KLHL20: variants seen among roughly 807,000 people sequenced by gnomAD.
The protein encoded by KLHL20 is kelch-like protein 20.
In KLHL20, 29 loss-of-function variants were observed where a neutral mutation model predicts 69.5. The ratio of observed to expected loss-of-function variants is 0.42; its 90% CI spans 0.31 to 0.57. The LOEUF (loss-of-function observed/expected upper bound fraction) is 0.57, where lower values mean the gene tolerates loss of function less well. Among genes scored for constraint, KLHL20 ranks in the 20% least tolerant of loss-of-function variants. The pLI, the probability that KLHL20 is intolerant of heterozygous loss-of-function variation, is 0.18. For synonymous variants in KLHL20, 253 were observed against 265.2 expected (o/e 0.95, Z 0.45); for missense variants, 419 against 776.0 (o/e 0.54, Z 5.47).
At position 173,774,288 on chromosome 1, in the gene KLHL20, G is replaced by C; in HGVS notation, c.1296-17G>C. 1 of 1,614,072 alleles carries C rather than the reference G, an allele frequency of 6.2e-7. No homozygotes were observed. On this transcript the variant is annotated splice_polypyrimidine_tract_variant and intron_variant, in intron 8 of 11. Transcript: ENST00000209884. ...CTTAATAAGAACAAGCATACAGTCT[G>C]GTTTCCCTCACTGCAGGTATGATCC...
intron 6 of KLHL20, 34 bp downstream of exon 6, chr1:173,756,072 T>C: frequency 7.0e-7 from 1 of 1,435,762 alleles, no homozygotes; most frequent in Middle Eastern, 1.8e-4. Flanking sequence ...GTAAATTGAG[T>C]ATTTTCCCAG....
intron 2 of KLHL20, among the ~76,000 whole-genome samples, chr1:173,727,507 C>T (rs891041173): frequency 1.3e-5 from 2 of 152,182 alleles, no homozygotes; most frequent in Admixed American, 1.3e-4. Context: ...AGAGAAAGGT[C>T]AGGTAACCCA....
chr1:173,741,607 C>A, intron 3 of KLHL20: 1 of 445,368 alleles, frequency 2.2e-6, no homozygotes, highest in South Asian at 9.1e-5. Context: ...AGACAAAAGT[C>A]AAAGCCAAGC....
At chr1:173,724,555 ATATCT>A (rs1331216137) in intron 2 of KLHL20, among the ~76,000 whole-genome samples, 1 of 152,218 alleles carries the variant, frequency 6.6e-6, no homozygotes, top group African/African-American at 2.4e-5. Context: ...AAAAATCCAA[ATATCT>A]TATTTCTAAT....
chr1:173,775,575 A>T, intron 9 of KLHL20, 59 bp from the exon 10 acceptor site: 1 of 1,417,830 alleles, frequency 7.1e-7, no homozygotes, highest in Non-Finnish European at 9.9e-7. Flanking sequence ...CTATAAAGAA[A>T]ACTGGAGGTG....
At chr1:173,729,873 A>G (rs529782175) in intron 2 of KLHL20, among the ~76,000 whole-genome samples, 3 of 152,300 alleles carry the variant, frequency 2.0e-5, no homozygotes, top group African/African-American at 7.2e-5. Context: ...GGCCAAGACA[A>G]TCAGGCAGGA....
At chr1:173,763,979 A>G (rs73035143) in intron 7 of KLHL20, among the ~76,000 whole-genome samples, 130 of 152,290 alleles carry the variant, frequency 8.5e-4, no homozygotes, top group African/African-American at 3.0e-3. Flanking sequence ...AAATCTTCAC[A>G]ATCTACATCT....
chr1:173,749,684 T>G (rs936771277), intron 3 of KLHL20, among the ~76,000 whole-genome samples: 1 of 152,220 alleles, frequency 6.6e-6, no homozygotes, highest in African/African-American at 2.4e-5. Flanking sequence ...TTAAATGAGT[T>G]AACACCTTAG....
At chr1:173,784,198 G>C (rs977847039) in intron 11 of KLHL20, among the ~76,000 whole-genome samples, 2 of 152,200 alleles carry the variant, frequency 1.3e-5, no homozygotes. Context: ...CAAAGCAGGG[G>C]AGGGGGCTAG....
chr1:173,780,305 C>G (rs563207566), intron 10 of KLHL20, among the ~76,000 whole-genome samples: 1 of 152,288 alleles, frequency 6.6e-6, no homozygotes, highest in East Asian at 1.9e-4. Context: ...GAAATGTTTA[C>G]AGCTAACTAT....
At chr1:173,718,506 A>G (rs1199104083) in intron 2 of KLHL20, among the ~76,000 whole-genome samples, 1 of 151,422 alleles carries the variant, frequency 6.6e-6, no homozygotes, top group Non-Finnish European at 1.5e-5. Flanking sequence ...TGATCATACC[A>G]TTGAACCCCA....
chr1:173,729,429 ATTTTAGAC>A, intron 2 of KLHL20, among the ~76,000 whole-genome samples: 1 of 152,218 alleles, frequency 6.6e-6, no homozygotes, highest in Non-Finnish European at 1.5e-5. Flanking sequence ...AAAAAAGAGA[ATTTTAGAC>A]CAATATCCCT....
At chr1:173,759,624 G>T (rs1466689451) in intron 7 of KLHL20, among the ~76,000 whole-genome samples, 3 of 152,122 alleles carry the variant, frequency 2.0e-5, no homozygotes, top group African/African-American at 7.2e-5. Context: ...AAGAGAGACA[G>T]CAATCACTGC....
chr1:173,750,381 C>T (rs953549436), intron 3 of KLHL20, among the ~76,000 whole-genome samples: 1 of 152,068 alleles, frequency 6.6e-6, no homozygotes, highest in Admixed American at 6.5e-5. Context: ...ACACCTACGG[C>T]GTACTGCAGC....
chr1:173,732,276 A>G (rs928611968), intron 2 of KLHL20, among the ~76,000 whole-genome samples: 4 of 152,184 alleles, frequency 2.6e-5, no homozygotes, highest in African/African-American at 9.6e-5. Context: ...TAGGAGTTCA[A>G]GACCAGCGTG....
chr1:173,728,821 G>A (rs533624950), intron 2 of KLHL20, among the ~76,000 whole-genome samples: 1 of 152,236 alleles, frequency 6.6e-6, no homozygotes, highest in East Asian at 1.9e-4. Flanking sequence ...AAAAGAACTA[G>A]AGAAGCAAGA....
intron 2 of KLHL20, among the ~76,000 whole-genome samples, chr1:173,723,538 C>CT (rs1208158320): frequency 6.6e-6 from 1 of 152,216 alleles, no homozygotes; most frequent in Non-Finnish European, 1.5e-5. Flanking sequence ...TCTCAGGAGA[C>CT]TCCTTTTACA....
At chr1:173,783,528 C>T (rs1558229278) in intron 11 of KLHL20, among the ~76,000 whole-genome samples, 2 of 152,114 alleles carry the variant, frequency 1.3e-5, no homozygotes, top group Admixed American at 6.5e-5. Flanking sequence ...ACAGCGTGTA[C>T]GTTTTGCTCC....
chr1:173,780,595 T>G (rs1648796958), intron 10 of KLHL20, among the ~76,000 whole-genome samples: 1 of 152,152 alleles, frequency 6.6e-6, no homozygotes, highest in Non-Finnish European at 1.5e-5. Context: ...GTGGGCAACA[T>G]GTGGGACCCC....
Sources: allele counts gnomAD v4.1 joint callset (sites outside exome capture counted in the v4.1 genomes callset), GRCh38; gene constraint gnomAD v4.1.1; transcripts MANE v1.5; gene names NCBI Gene and HGNC (gene_info 2026-07-23, HGNC 2026-07-21).